The following SBF2 variants were observed in gnomAD, a reference collection of about 807,000 sequenced individuals.
The protein encoded by SBF2 is myotubularin-related protein 13.
In SBF2, 112 loss-of-function variants were observed where a neutral mutation model predicts 225.2. The observed-to-expected ratio is 0.50, with a 90% CI of 0.43 to 0.58. SBF2 has a LOEUF of 0.58. Ranked by LOEUF, SBF2 falls within the 20% of genes least tolerant of loss-of-function variation. The pLI is 0.00. For missense variants in SBF2, 1,996 were observed against 2,206.2 expected, an observed-to-expected ratio of 0.90 and a Z score of 1.91; for synonymous variants, 763 against 773.3, an observed-to-expected ratio of 0.99 and a Z score of 0.22.
At chr11:9,868,336 A>C (rs12295542) in intron 17 of SBF2, among the ~76,000 whole-genome samples, 1 of 118,190 alleles carries the variant, frequency 8.5e-6, no homozygotes, top group East Asian at 2.2e-4. Context: ...CTACAAAAAT[A>C]CAAAAAAAAA....
chr11:10,263,416 G>C (rs376848569), intron 1 of SBF2, among the ~76,000 whole-genome samples: 1 of 152,030 alleles, frequency 6.6e-6, no homozygotes, highest in African/African-American at 2.4e-5. Context: ...GGGTTGCCCT[G>C]ACTTCCATGT....
chr11:10,115,614 T>C (rs940466310), intron 2 of SBF2, among the ~76,000 whole-genome samples: 31 of 152,204 alleles, frequency 2.0e-4, no homozygotes, highest in African/African-American at 7.0e-4. Context: ...AGATACTAAA[T>C]CCTGCAACTC....
At chr11:9,830,751 A>AC (rs1855343597) in intron 27 of SBF2, among the ~76,000 whole-genome samples, 1 of 151,396 alleles carries the variant, frequency 6.6e-6, no homozygotes, top group South Asian at 2.1e-4. Context: ...AAAACAAAAA[A>AC]AAAAAAACAA....
intron 2 of SBF2, among the ~76,000 whole-genome samples, chr11:10,119,804 A>G (rs915456262): frequency 6.6e-6 from 1 of 152,172 alleles, no homozygotes; most frequent in African/African-American, 2.4e-5. Context: ...TGTTTATTTC[A>G]GTGTTTCTCA....
intron 38 of SBF2, among the ~76,000 whole-genome samples, chr11:9,782,697 C>G (rs1360735810): frequency 6.6e-6 from 1 of 151,796 alleles, no homozygotes; most frequent in Admixed American, 6.6e-5. Flanking sequence ...ATGGTGAAAC[C>G]CCGTCTCTAC....
At chr11:10,172,644 C>T (rs553902446) in intron 2 of SBF2, among the ~76,000 whole-genome samples, 17 of 152,076 alleles carry the variant, frequency 1.1e-4, no homozygotes, top group Admixed American at 5.2e-4. Context: ...TGAGCCACCA[C>T]GCCTGGCCAA....
chr11:10,033,174 A>C (rs901243057), intron 3 of SBF2, among the ~76,000 whole-genome samples: 30 of 152,206 alleles, frequency 2.0e-4, no homozygotes, highest in African/African-American at 2.7e-4. Context: ...ACACTTAATG[A>C]ATCATATTCT....
In SBF2 at chr11:9,853,596, C is replaced by T; in HGVS notation, c.2480G>A (p.Cys827Tyr). Residue 827 changes from cysteine (C) to tyrosine (Y), a missense_variant, in exon 20 of 40, where the codon TGT becomes TAT. Cys to Tyr is a radical substitution (Grantham distance 194). Coordinates refer to ENST00000256190, the MANE Select transcript of SBF2 (RefSeq NM_030962.4). ...RFITRFIDKV[C>Y]TESGVTQDHI... ...ATCCTGAGTAACTCCACTCTCTGTA[C>T]AAACTTTGTCAATAAATCGGGTAAT... 1 of 1,613,948 alleles carries T rather than the reference C, an allele frequency of 6.2e-7. No homozygotes were observed. Among genetic ancestry groups the T allele is most frequent in the Non-Finnish European group, 8.5e-7 (1 of 1,179,924 alleles).
intron 2 of SBF2, among the ~76,000 whole-genome samples, chr11:10,172,872 TG>T (rs1209656205): frequency 6.6e-6 from 1 of 152,172 alleles, no homozygotes. Flanking sequence ...TTTGCCATGC[TG>T]GCCAGGCTGG....
chr11:9,973,001 A>G (rs1283653220), intron 13 of SBF2, among the ~76,000 whole-genome samples: 1 of 152,222 alleles, frequency 6.6e-6, no homozygotes, highest in Non-Finnish European at 1.5e-5. Context: ...TGTGTTTAGA[A>G]GATTCGAAAA....
intron 39 of SBF2, 95 bp from the exon 40 acceptor site, chr11:9,780,611 C>A: frequency 1.1e-6 from 1 of 925,932 alleles, no homozygotes; most frequent in South Asian, 1.4e-5. Context: ...CCTTTCTTTT[C>A]CATACTGCCC....
intron 2 of SBF2, among the ~76,000 whole-genome samples, chr11:10,096,748 T>C (rs1409371585): frequency 2.0e-5 from 3 of 152,160 alleles, no homozygotes; most frequent in African/African-American, 7.2e-5. Flanking sequence ...ATAATGCACT[T>C]TTTTATCACC....
At chr11:10,259,872 T>C (rs933755228) in intron 1 of SBF2, among the ~76,000 whole-genome samples, 5 of 151,982 alleles carry the variant, frequency 3.3e-5, no homozygotes, top group Non-Finnish European at 7.4e-5. Context: ...AAAGAAAAAA[T>C]AGTAGCTTCT....
chr11:9,955,799 T>A (rs952419760), intron 16 of SBF2, among the ~76,000 whole-genome samples: 2 of 152,096 alleles, frequency 1.3e-5, no homozygotes, highest in African/African-American at 4.8e-5. Context: ...AAGATCCCCA[T>A]GTTTACTGCC....
At chr11:9,826,325 G>T (rs1855057775) in intron 28 of SBF2, among the ~76,000 whole-genome samples, 1 of 152,182 alleles carries the variant, frequency 6.6e-6, no homozygotes, top group Non-Finnish European at 1.5e-5. Context: ...TCTGTGGAGT[G>T]TTCAGAGTGA....
intron 14 of SBF2, among the ~76,000 whole-genome samples, chr11:9,967,971 CTATATATATATA>C (rs1188261255): frequency 1.2e-4 from 11 of 91,490 alleles, no homozygotes; most frequent in Admixed American, 3.8e-4. Flanking sequence ...CTCTCTCTCT[CTATATATATATA>C]TATATATAAA....
rs1590208474 is a variant in SBF2 at position 9,845,574 on chromosome 11, G to C, written c.3101C>G (p.Thr1034Ser). Reference protein sequence around the residue: ...IILPKQKEKNTSFRTFSKTIV... With the variant: ...IILPKQKEKNSSFRTFSKTIV... ...TTGTCTTTCTTCTTACCGAAAAGAA[G>C]TGTTCTTTTCCTTCTGTTTTGGTAA... Residue 1034 changes from threonine to serine, a missense_variant, in exon 24 of 40, where the codon ACT becomes AGT. Coordinates refer to ENST00000256190, the MANE Select transcript of SBF2 (RefSeq NM_030962.4). 2 of 1,613,220 alleles carry C rather than the reference G, an allele frequency of 1.2e-6. No individual in the cohort carries two copies. Among genetic ancestry groups the C allele is most frequent in the African/African-American group, 2.7e-5 (2 of 74,900 alleles).
intron 2 of SBF2, among the ~76,000 whole-genome samples, chr11:10,150,187 G>T (rs1955107431): frequency 6.6e-6 from 1 of 152,052 alleles, no homozygotes. Flanking sequence ...ACCCTTCTCA[G>T]CCCACAGATG....
At chr11:9,886,343 CAT>C in intron 17 of SBF2, among the ~76,000 whole-genome samples, 1 of 152,202 alleles carries the variant, frequency 6.6e-6, no homozygotes, top group Middle Eastern at 3.4e-3. Context: ...TTTGTTATTC[CAT>C]AGATTTTTTT....
Sources: gnomAD v4.1 joint callset for allele counts (sites outside exome capture counted in the v4.1 genomes callset) on GRCh38, gnomAD v4.1.1 for gene constraint, MANE v1.5 for transcripts, NCBI Gene and HGNC (gene_info 2026-07-23, HGNC 2026-07-21) for gene names.